The following EQTN variants were observed in gnomAD, a reference collection of about 807,000 sequenced individuals.
EQTN encodes the protein Acrosome formation associated factor.
Under a neutral mutation model 26.9 loss-of-function variants are expected in EQTN, and 29 were observed. The ratio of observed to expected loss-of-function variants is 1.08; its 90% CI spans 0.80 to 1.47. The LOEUF (loss-of-function observed/expected upper bound fraction) is 1.47. Ranked by LOEUF, EQTN falls within the 40% of genes most tolerant of loss-of-function variation. EQTN has a pLI of 0.00. For missense variants in EQTN, 391 were observed against 346.1 expected (o/e 1.13, Z -1.03); for synonymous variants, 129 against 120.0 (o/e 1.07, Z -0.49).
chr9:27,290,377 A>G (rs1476745564), intron 5 of EQTN, among the ~76,000 whole-genome samples: 1 of 152,238 alleles, frequency 6.6e-6, no homozygotes, highest in East Asian at 1.9e-4. Context: ...CAATGTCCAT[A>G]AATGACTGTG....
chr9:27,288,406 A>T (rs2131305062), intron 6 of EQTN, among the ~76,000 whole-genome samples: 1 of 152,172 alleles, frequency 6.6e-6, no homozygotes, highest in Non-Finnish European at 1.5e-5. Flanking sequence ...TACAAAGATA[A>T]CCACTCTCAT....
rs557170208 is a variant in EQTN at position 27,284,982 on chromosome 9, A to G, written c.636-10T>C. 1.1e-5 allele frequency: 18 copies of G among 1,605,304 alleles called. No individual in the cohort carries two copies. The African/African-American group carries it at 2.3e-4, about 20-fold the overall frequency. On this transcript the variant is annotated splice_polypyrimidine_tract_variant and intron_variant, in intron 7 of 7. Transcript: ENST00000380032. ...CTCACAACTTTTATAACTGAAGAAG[A>G]AAAGAACATATATCAAGAATTGTTT...
chr9:27,290,263 CT>C (rs1463721581), intron 5 of EQTN, among the ~76,000 whole-genome samples: 2 of 152,130 alleles, frequency 1.3e-5, no homozygotes, highest in Non-Finnish European at 2.9e-5. Flanking sequence ...AAAAATGACA[CT>C]TATTTACAGA....
At chr9:27,286,572 C>G (rs924505895) in intron 6 of EQTN, among the ~76,000 whole-genome samples, 1 of 152,188 alleles carries the variant, frequency 6.6e-6, no homozygotes, top group South Asian at 2.1e-4. Flanking sequence ...ACAGCAACCC[C>G]GAAGGAGCTG....
chr9:27,295,291 C>T (rs1197949479), intron 2 of EQTN, among the ~76,000 whole-genome samples: 6 of 152,052 alleles, frequency 3.9e-5, no homozygotes, highest in African/African-American at 1.4e-4. Context: ...AGTCACAACC[C>T]AACACTCATG....
Position 27,286,283 on chromosome 9 carries a change from C to T in EQTN, c.561G>A (p.Ser187=), listed in dbSNP as rs7023473. 661 of 1,612,974 alleles carry T rather than the reference C, an allele frequency of 4.1e-4. 2 individuals are homozygous for T. The African/African-American group carries it at 8.1e-3, about 20-fold the overall frequency. ...CCACAAAGAGGAGGAGGGTCATCAA[C>T]GAGATTCCCAGCATTATTTTGATCT... The part of the protein sequence containing the change: ...DLKIKIMLGI[S]LMTLLLFVVL... The change falls in exon 7 of 8, where the codon TCG becomes TCA. Residue 187 remains serine, a synonymous_variant. Transcript: ENST00000380032.
chr9:27,287,530 G>A (rs962497314), intron 6 of EQTN, among the ~76,000 whole-genome samples: 18 of 152,158 alleles, frequency 1.2e-4, no homozygotes, highest in African/African-American at 4.1e-4. Context: ...AGTTACAAGC[G>A]TGGGCAGCTT....
chr9:27,296,080 C>T (rs762590306), intron 2 of EQTN, among the ~76,000 whole-genome samples: 6 of 152,020 alleles, frequency 3.9e-5, no homozygotes, highest in Middle Eastern at 3.4e-3. Flanking sequence ...ATGGGTGAAT[C>T]GCTTGAGCCC....
rs998967865 is a variant in EQTN at position 27,284,857 on chromosome 9, T to C, written c.751A>G (p.Thr251Ala). Reference protein sequence around the residue: ...TSFSKSAESSTFLGTTSSDMR... With the variant: ...TSFSKSAESSAFLGTTSSDMR... ...TCTGAAGAAGTGGTACCCAAAAATG[T>C]GCTGCTCTCTGCACTCTTGGAAAAG... is the stretch of plus-strand genomic sequence containing the variant. The change falls in exon 8 of 8, where the codon ACA (threonine) becomes GCA (alanine). Residue 251 changes from threonine (T) to alanine (A), a missense_variant. By Grantham distance (58) the Thr-to-Ala change is moderately conservative. Transcript: ENST00000380032. The C allele has an allele frequency of 6.2e-7, 1 of 1,614,178 alleles. No individual in the cohort carries two copies. The highest frequency in any genetic ancestry group is 1.3e-5 in the African/African-American group (1 of 75,050).
chr9:27,285,094 A>G (rs1820091473), intron 7 of EQTN, 122 bp from the exon 8 acceptor site: 2 of 617,656 alleles, frequency 3.2e-6, no homozygotes, highest in Non-Finnish European at 5.3e-6. Flanking sequence ...GTTACTTAGT[A>G]ACATTATGTG....
intron 2 of EQTN, 151 bp from the exon 3 acceptor site, chr9:27,294,553 A>G (rs1820299890): frequency 2.3e-6 from 1 of 428,054 alleles, no homozygotes; most frequent in Admixed American, 4.0e-5. Flanking sequence ...ACAAAATAAG[A>G]AAGTGGGGCA....
intron 7 of EQTN, among the ~76,000 whole-genome samples, 161 bp from the exon 8 acceptor site, chr9:27,285,133 C>CTTTTTTT (rs201723057): frequency 2.3e-4 from 18 of 77,086 alleles, no homozygotes; most frequent in East Asian, 3.7e-4. Context: ...TTTTCTTTTC[C>CTTTTTTT]TTTTTTTTTT....
At chr9:27,288,036 C>G (rs1218390781) in intron 6 of EQTN, among the ~76,000 whole-genome samples, 2 of 152,110 alleles carry the variant, frequency 1.3e-5, no homozygotes, top group African/African-American at 2.4e-5. Context: ...GAACTCCTGA[C>G]CTCAGGTGAT....
rs751116822 is a variant in EQTN, at chr9:27,284,792, T to C, written c.816A>G (p.Ile272Met). The stretch of plus-strand genomic sequence containing the variant: ...AGCCTATGGAAATGATATCCGTCAT[T>C]ATCTTAGATTCTGATGTTCTTGTGC... ...RSGTRTSESK[I>M]MTDIISIGSD... The change falls in exon 8 of 8, where the codon ATA becomes ATG. Residue 272 changes from isoleucine to methionine, a missense_variant. Ile to Met is a conservative substitution (Grantham distance 10). Transcript: ENST00000380032. 5.0e-6 allele frequency: 8 copies of C among 1,614,010 alleles called. No homozygotes were observed. In the Admixed American group the frequency reaches 1.2e-4, roughly 24 times the overall value.
chr9:27,296,311 A>G lies in EQTN; in HGVS notation c.202+302T>C, dbSNP rs530373002. Among the ~76,000 whole-genome samples, 4 of 152,326 alleles carry G rather than the reference A, an allele frequency of 2.6e-5. No individual in the cohort carries two copies. In the East Asian group the frequency reaches 7.7e-4, roughly 29 times the overall value. On this transcript the variant is annotated intron_variant, in intron 2 of 7. Transcript: ENST00000380032. Reference sequence around the variant, plus strand: ...TGACAGAGCAAGACTCTGTCTCAAAAACTGAATACGATACAATAAAATAAA... The same window carrying G: ...TGACAGAGCAAGACTCTGTCTCAAAGACTGAATACGATACAATAAAATAAA...
rs1377190704 is a variant in EQTN, at chr9:27,294,299, T to C, written c.289+17A>G. ...TTAATGGCTTTTACATGTGCAATGG[T>C]GCCTTTCACTTCTTACCGTTTTTTA... On this transcript the variant is annotated intron_variant, in intron 3 of 7. Coordinates refer to ENST00000380032, the MANE Select transcript of EQTN (RefSeq NM_020641.3). The C allele has an allele frequency of 6.3e-7, 1 of 1,584,678 alleles. No individual in the cohort carries two copies. The highest frequency in any genetic ancestry group is 8.7e-7 in the Non-Finnish European group (1 of 1,155,976).
chr9:27,291,888 T>G (rs1433436948), intron 4 of EQTN, among the ~76,000 whole-genome samples: 1 of 152,130 alleles, frequency 6.6e-6, no homozygotes, highest in Non-Finnish European at 1.5e-5. Flanking sequence ...CCATCCTGGG[T>G]TGTTATGGCT....
At position 27,292,405 on chromosome 9, in the gene EQTN, A is replaced by G. The variant is rs772314637; in HGVS notation, c.372T>C (p.Ile124=). 3.1e-6 allele frequency: 5 copies of G among 1,593,066 alleles called. No individual in the cohort carries two copies. The South Asian group carries it at 5.6e-5, about 18-fold the overall frequency. Residue 124 remains isoleucine, a synonymous_variant, in exon 4 of 8, where the codon ATT becomes ATC. Transcript: ENST00000380032. ...ACAGTGTAGTAATTTAAATACTTTG[A>G]ATATTTTTATGAGAGGGTTCGCTAG... ...TTTSEPSHKN[I]QRSTPNVPAF... is the part of the protein sequence containing the mutation.
intron 6 of EQTN, among the ~76,000 whole-genome samples, chr9:27,289,056 A>G (rs145326244): frequency 1.6e-3 from 245 of 152,382 alleles, no homozygotes; most frequent in African/African-American, 5.5e-3. Context: ...ATTGTAACAA[A>G]GGTACCACAT....
Sources: gnomAD v4.1 joint callset for allele counts (sites outside exome capture counted in the v4.1 genomes callset) on GRCh38, gnomAD v4.1.1 for gene constraint, MANE v1.5 for transcripts, NCBI Gene and HGNC (gene_info 2026-07-23, HGNC 2026-07-21) for gene names.